UBR3: variants seen among roughly 807,000 people sequenced by gnomAD.
UBR3 encodes E3 ubiquitin-protein ligase UBR3.
Under a neutral mutation model 243.2 loss-of-function variants are expected in UBR3, and 85 were observed. That is an observed-to-expected ratio of 0.35 (90% CI 0.29 to 0.42). UBR3 has a LOEUF of 0.42. Among genes scored for constraint, UBR3 ranks in the 10% least tolerant of loss-of-function variants. UBR3 has a pLI of 1.00. For missense variants in UBR3, 1,686 were observed against 2,300.8 expected, an observed-to-expected ratio of 0.73 and a Z score of 5.47; for synonymous variants, 748 against 799.8, an observed-to-expected ratio of 0.94 and a Z score of 1.09.
chr2:169,926,544 G>C (rs1450022618), intron 14 of UBR3, 148 bp from the exon 15 acceptor site: 1 of 750,576 alleles, frequency 1.3e-6, no homozygotes, highest in Non-Finnish European at 2.1e-6. Context: ...GCAGTGAGCT[G>C]AGGTTGCACC....
At chr2:169,985,995 A>G (rs2088984049) in intron 24 of UBR3, among the ~76,000 whole-genome samples, 2 of 152,170 alleles carry the variant, frequency 1.3e-5, no homozygotes, top group African/African-American at 4.8e-5. Flanking sequence ...AAGTGTCTTT[A>G]TCTGTAAATA....
chr2:170,010,238 T>G (rs946252030), intron 29 of UBR3, among the ~76,000 whole-genome samples: 6 of 152,196 alleles, frequency 3.9e-5, no homozygotes, highest in Middle Eastern at 3.2e-3. Flanking sequence ...AACAATATAA[T>G]TTAACTTTGC....
At chr2:170,064,746 CATT>C (rs1246991585) in intron 35 of UBR3, among the ~76,000 whole-genome samples, 1 of 147,948 alleles carries the variant, frequency 6.8e-6, no homozygotes, top group East Asian at 2.0e-4. Context: ...TTATTATAGA[CATT>C]ATATCTGATA....
At chr2:169,884,884 T>TATAGA (rs1409392997) in intron 5 of UBR3, among the ~76,000 whole-genome samples, 1 of 152,204 alleles carries the variant, frequency 6.6e-6, no homozygotes. Context: ...CAATAATTAT[T>TATAGA]ATAGAATAGA....
chr2:169,969,230 T>C (rs937191355), intron 24 of UBR3, among the ~76,000 whole-genome samples: 5 of 152,226 alleles, frequency 3.3e-5, no homozygotes, highest in Non-Finnish European at 7.3e-5. Context: ...TTTTGTTGCT[T>C]GTACTTTTGA....
intron 1 of UBR3, among the ~76,000 whole-genome samples, chr2:169,867,481 T>A (rs1234497369): frequency 2.0e-5 from 3 of 152,224 alleles, no homozygotes; most frequent in African/African-American, 4.8e-5. Flanking sequence ...AATGGAGGTA[T>A]AATAAACATC....
chr2:169,919,298 A>G (rs777732677), intron 11 of UBR3, among the ~76,000 whole-genome samples: 2 of 152,222 alleles, frequency 1.3e-5, no homozygotes, highest in African/African-American at 2.4e-5. Context: ...ATGTTTAAGT[A>G]AGACTACCTT....
At position 170,073,577 on chromosome 2, in the gene UBR3, A is replaced by T. The variant is rs1357381453; in HGVS notation, c.5169A>T (p.Ser1723=). ...CTCAGTGGTGTTTTGAGATAAAATC[A>T]TTTACTGAAAGACATGCAGAACAAG... The part of the protein sequence containing the change: ...IITQWCFEIK[S]FTERHAEQGK... Residue 1723 remains serine (S), a synonymous_variant, in exon 36 of 39, where the codon TCA becomes TCT. Transcript: ENST00000272793. 1 of 1,613,296 alleles carries T rather than the reference A, an allele frequency of 6.2e-7. No individual in the cohort carries two copies. Among genetic ancestry groups the T allele is most frequent in the East Asian group, 2.2e-5 (1 of 44,824 alleles).
chr2:170,041,489 T>C (rs1327120209), intron 32 of UBR3, among the ~76,000 whole-genome samples: 1 of 152,164 alleles, frequency 6.6e-6, no homozygotes, highest in East Asian at 1.9e-4. Flanking sequence ...ATAGTAGTAA[T>C]TGTAGAGTTA....
At chr2:169,865,558 C>G (rs1478351995) in intron 1 of UBR3, among the ~76,000 whole-genome samples, 1 of 152,126 alleles carries the variant, frequency 6.6e-6, no homozygotes, top group East Asian at 1.9e-4. Context: ...GTACTCTGTT[C>G]AAATTTTTCT....
chr2:169,854,071 C>A (rs1053184274), intron 1 of UBR3, among the ~76,000 whole-genome samples: 1 of 151,808 alleles, frequency 6.6e-6, no homozygotes, highest in Non-Finnish European at 1.5e-5. Context: ...CTAATGCATG[C>A]GGGGCTTAAA....
chr2:170,022,395 C>T lies in UBR3; in HGVS notation c.4454-6951C>T, dbSNP rs79512462. Among the ~76,000 whole-genome samples the T allele has an allele frequency of 1.9e-3, 283 of 152,266 alleles. 9 individuals carry two copies. The East Asian group carries it at 0.051, about 27-fold the overall frequency. On this transcript the variant is annotated intron_variant, in intron 30 of 38. Coordinates refer to ENST00000272793, the MANE Select transcript of UBR3 (RefSeq NM_172070.4). ...TTTCTTCACTGTCTTCCCTTCCTCACATGGCAGAAAAAACCTCTCCAAAGG... is the reference window on the plus strand; with the variant it reads ...TTTCTTCACTGTCTTCCCTTCCTCATATGGCAGAAAAAACCTCTCCAAAGG...
intron 31 of UBR3, among the ~76,000 whole-genome samples, chr2:170,035,374 T>G (rs567493342): frequency 2.0e-4 from 31 of 152,052 alleles, no homozygotes; most frequent in Non-Finnish European, 3.8e-4. Context: ...TTCATTTTTG[T>G]GCATGTGAAT....
chr2:169,856,509 C>T (rs1278296964), intron 1 of UBR3, among the ~76,000 whole-genome samples: 2 of 152,056 alleles, frequency 1.3e-5, no homozygotes, highest in Non-Finnish European at 2.9e-5. Context: ...TGTAGCGAGC[C>T]GAGATCACGC....
At chr2:169,869,503 C>T (rs188531004) in intron 1 of UBR3, among the ~76,000 whole-genome samples, 32 of 152,190 alleles carry the variant, frequency 2.1e-4, no homozygotes, top group African/African-American at 5.8e-4. Flanking sequence ...GGATTAAGGA[C>T]GTGAGCCACC....
intron 31 of UBR3, among the ~76,000 whole-genome samples, chr2:170,032,448 C>T (rs1028967350): frequency 1.3e-5 from 2 of 151,888 alleles, no homozygotes; most frequent in African/African-American, 4.8e-5. Context: ...TCAGATTTTG[C>T]CAGTTGTTGC....
At chr2:170,058,222 T>C (rs1007567365) in intron 33 of UBR3, among the ~76,000 whole-genome samples, 1 of 152,208 alleles carries the variant, frequency 6.6e-6, no homozygotes, top group African/African-American at 2.4e-5. Flanking sequence ...ATTTCACTTA[T>C]TCGCTTCATC....
chr2:169,876,531 T>G (rs192820861), intron 3 of UBR3, among the ~76,000 whole-genome samples: 353 of 147,282 alleles, frequency 2.4e-3, no homozygotes, highest in African/African-American at 8.5e-3. Context: ...CTGCCTCTCT[T>G]TATTGTATTG....
At chr2:169,901,192 A>G (rs2084807389) in intron 8 of UBR3, among the ~76,000 whole-genome samples, 1 of 152,138 alleles carries the variant, frequency 6.6e-6, no homozygotes, top group South Asian at 2.1e-4. Flanking sequence ...CTGAAATCAT[A>G]TTATATGGTA....
Sources: gnomAD v4.1 joint callset for allele counts (sites outside exome capture counted in the v4.1 genomes callset) on GRCh38, gnomAD v4.1.1 for gene constraint, MANE v1.5 for transcripts, NCBI Gene and HGNC (gene_info 2026-07-23, HGNC 2026-07-21) for gene names.